Variants in DPYSL4 observed in about 807,000 individuals in gnomAD.
DPYSL4 encodes dihydropyrimidinase-related protein 4.
Under a neutral mutation model 63.4 loss-of-function variants are expected in DPYSL4, and 43 were observed. The ratio of observed to expected loss-of-function variants is 0.68; its 90% CI spans 0.53 to 0.88. The LOEUF (loss-of-function observed/expected upper bound fraction) is 0.88. Among genes scored for constraint, DPYSL4 ranks in the 40% least tolerant of loss-of-function variants. The pLI is 0.00. For synonymous variants in DPYSL4, 353 were observed against 331.7 expected (o/e 1.06, Z -0.70); for missense variants, 733 against 819.5 (o/e 0.89, Z 1.29).
rs780587499 is a variant in DPYSL4 at position 132,196,852 on chromosome 10, C to T, written c.479-9C>T. The T allele has an allele frequency of 3.1e-6, 5 of 1,613,678 alleles. No homozygotes were observed. Among genetic ancestry groups the T allele is most frequent in the South Asian group, 2.2e-5 (2 of 91,080 alleles). ...ATGGCTGAGCCTCTGACCCCTGCCT[C>T]TTCTCCAGGTGTGAACTCCTTCCTG... On this transcript the variant is annotated splice_polypyrimidine_tract_variant and intron_variant, in intron 4 of 13. Coordinates refer to ENST00000338492, the MANE Select transcript of DPYSL4 (RefSeq NM_006426.3).
chr10:132,197,250 G>C (rs2061958076), intron 6 of DPYSL4, 149 bp downstream of exon 6: 1 of 707,454 alleles, frequency 1.4e-6, no homozygotes, highest in Non-Finnish European at 2.2e-6. Flanking sequence ...GAGGGTCATA[G>C]CTTACCCCGA....
intron 7 of DPYSL4, 62 bp downstream of exon 7, chr10:132,198,545 G>A: frequency 6.7e-7 from 1 of 1,499,092 alleles, no homozygotes; most frequent in Non-Finnish European, 9.0e-7. Flanking sequence ...TGCTGCCTGG[G>A]GCTGTGCTGA....
At position 132,198,479 on chromosome 10, in the gene DPYSL4, AG is replaced by A. The variant is rs1219544064; in HGVS notation, c.688del (p.Glu230ArgfsTer26). The A allele has an allele frequency of 6.2e-7, 1 of 1,601,460 alleles. No individual in the cohort carries two copies. Among genetic ancestry groups the A allele is most frequent in the Non-Finnish European group, 8.5e-7 (1 of 1,176,756 alleles). ...GAGGGCCACGTGCTCAGCCACCCCG[AG>A]GAGGTAAGATCCCAGGGCACCACAG... ...GPEGHVLSHP[E>X]EVEAEAVYRA... On this transcript the variant is annotated frameshift_variant, in exon 7 of 14. Transcript: ENST00000338492. LOFTEE classifies it high-confidence loss of function.
intron 3 of DPYSL4, among the ~76,000 whole-genome samples, chr10:132,194,036 GGCCA>G (rs1416072434): frequency 1.3e-5 from 2 of 152,228 alleles, no homozygotes; most frequent in East Asian, 3.9e-4. Flanking sequence ...CAAGGCACCC[GGCCA>G]GCTGTGGGTC....
At chr10:132,199,078 ACTGGAC>A in intron 8 of DPYSL4, 107 bp downstream of exon 8, 1 of 1,438,870 alleles carries the variant, frequency 6.9e-7, no homozygotes, top group Non-Finnish European at 9.3e-7. Context: ...GGGGCGGGGC[ACTGGAC>A]CCTGAGTCCC....
At chr10:132,198,508 C>T in intron 7 of DPYSL4, 25 bp downstream of exon 7, 2 of 1,580,980 alleles carry the variant, frequency 1.3e-6, no homozygotes, top group South Asian at 1.1e-5. Flanking sequence ...CACCACAGCA[C>T]ACCCGAGCCA....
chr10:132,192,939 G>GTGCCT, intron 3 of DPYSL4, 97 bp downstream of exon 3: 1 of 1,304,496 alleles, frequency 7.7e-7, no homozygotes, highest in Non-Finnish European at 1.0e-6. Flanking sequence ...TCGCCTAAAG[G>GTGCCT]TGCCTTTCTC....
At chr10:132,194,791 G>A (rs1223652471) in intron 3 of DPYSL4, 54 bp from the exon 4 acceptor site, 1 of 1,588,922 alleles carries the variant, frequency 6.3e-7, no homozygotes, top group Non-Finnish European at 8.6e-7. Context: ...GGAGGAGGCA[G>A]AGGTGGGAAC....
At position 132,198,715 on chromosome 10, in the gene DPYSL4, C is replaced by T. The variant is rs139965633; in HGVS notation, c.691-136C>T. 1.1e-3 allele frequency: 1,474 copies of T among 1,367,654 alleles called. 30 individuals are homozygous for T. In the East Asian group the frequency reaches 0.034, roughly 31 times the overall value. The allele number at this position is 1,367,654 out of a possible 1,614,324, so 84.7% of individuals were successfully genotyped here. A position where few individuals can be genotyped will look rare whatever the true frequency, so the allele number is the denominator to read the frequency against. On this transcript the variant is annotated intron_variant, in intron 7 of 13. Coordinates refer to ENST00000338492, the MANE Select transcript of DPYSL4 (RefSeq NM_006426.3). ...GGCGTGGGCAGGCCCAGGCACTGAG[C>T]CCGAGGCTGGGCCGCTCCTACTAGG...
rs574549424 is a variant in DPYSL4, at chr10:132,201,710, C to T, written c.1111-236C>T. Among the ~76,000 whole-genome samples the T allele has an allele frequency of 3.9e-5, 6 of 152,346 alleles. No individual in the cohort carries two copies. In the South Asian group the frequency reaches 8.3e-4, roughly 21 times the overall value. On this transcript the variant is annotated intron_variant, in intron 10 of 13. Coordinates refer to ENST00000338492, the MANE Select transcript of DPYSL4 (RefSeq NM_006426.3). ...GGTGGCACTCTAGTGCCCGTCTTCA[C>T]GGGGGCCTGGTATCCGTCTTTGTGG...
intron 6 of DPYSL4, 102 bp downstream of exon 6, chr10:132,197,203 C>A (rs563095446): frequency 2.9e-6 from 3 of 1,035,330 alleles, no homozygotes; most frequent in Admixed American, 2.9e-5. Flanking sequence ...TTTCATGATA[C>A]GCAGACATCA....
At chr10:132,197,167 G>A (rs1247808070) in intron 6 of DPYSL4, 66 bp downstream of exon 6, 2 of 1,365,236 alleles carry the variant, frequency 1.5e-6, no homozygotes, top group Non-Finnish European at 2.0e-6. Context: ...GCTGCCTGTG[G>A]GGTGGGGCAG....
At chr10:132,187,609 G>C (rs116305520) in intron 1 of DPYSL4, among the ~76,000 whole-genome samples, 96 of 152,306 alleles carry the variant, frequency 6.3e-4, no homozygotes, top group African/African-American at 2.3e-3. Flanking sequence ...CTGGCGCTGC[G>C]TCGGGAGCTC....
chr10:132,201,709 A>G (rs2062020234), intron 10 of DPYSL4, among the ~76,000 whole-genome samples: 1 of 152,170 alleles, frequency 6.6e-6, no homozygotes, highest in African/African-American at 2.4e-5. Context: ...GCCCGTCTTC[A>G]CGGGGGCCTG....
intron 2 of DPYSL4, 52 bp from the exon 3 acceptor site, chr10:132,192,597 GGAGCCCATC>G: frequency 6.6e-7 from 1 of 1,524,222 alleles, no homozygotes; most frequent in Non-Finnish European, 8.8e-7. Flanking sequence ...TGCATTGCTG[GGAGCCCATC>G]TGGGCTCTGA....
At position 132,197,046 on chromosome 10, in the gene DPYSL4, G is replaced by C; in HGVS notation, c.566G>C (p.Arg189Pro). ...SQMYEIFSII[R>P]DLGALAQVHA... ...ATGTACGAGATCTTCAGCATCATCC[G>C]GGACCTGGGGGCCTTGGCCCAGGTG... is the stretch of plus-strand genomic sequence containing the variant. Residue 189 changes from arginine to proline, a missense_variant, in exon 6 of 14, where the codon CGG (arginine) becomes CCG (proline). Arg to Pro is a moderately radical substitution (Grantham distance 103). Transcript: ENST00000338492. The C allele has an allele frequency of 6.3e-7, 1 of 1,588,944 alleles. No individual in the cohort carries two copies. The highest frequency in any genetic ancestry group is 8.6e-7 in the Non-Finnish European group (1 of 1,166,166).
chr10:132,190,639 A>G, intron 1 of DPYSL4, 108 bp from the exon 2 acceptor site: 1 of 1,054,062 alleles, frequency 9.5e-7, no homozygotes, highest in South Asian at 1.5e-5. Flanking sequence ...TTACGTCTAG[A>G]AATTTTGCCT....
At chr10:132,204,081 G>C (rs965245418) in intron 13 of DPYSL4, among the ~76,000 whole-genome samples, 154 bp downstream of exon 13, 1 of 151,106 alleles carries the variant, frequency 6.6e-6, no homozygotes, top group Admixed American at 6.6e-5. Context: ...GGTGTTGTGG[G>C]GGCCAAGGGC....
intron 6 of DPYSL4, among the ~76,000 whole-genome samples, chr10:132,197,807 T>G (rs757487904): frequency 3.3e-5 from 5 of 152,304 alleles, no homozygotes; most frequent in African/African-American, 7.2e-5. Context: ...CCCAGTGTCC[T>G]CGTCCACCCG....
Sources: allele counts gnomAD v4.1 joint callset (sites outside exome capture counted in the v4.1 genomes callset), GRCh38; gene constraint gnomAD v4.1.1; transcripts MANE v1.5; gene names NCBI Gene and HGNC (gene_info 2026-07-23, HGNC 2026-07-21).